The following WASF3 variants were observed in gnomAD, a reference collection of about 807,000 sequenced individuals.
The protein encoded by WASF3 is actin-binding protein WASF3.
WASF3 carries 11 observed loss-of-function variants against 46.6 expected under a neutral mutation model. The ratio of observed to expected loss-of-function variants is 0.24; its 90% CI spans 0.15 to 0.39. The LOEUF (loss-of-function observed/expected upper bound fraction) is 0.39, where lower values mean the gene tolerates loss of function less well. WASF3 is among the 10% of genes least tolerant of loss of function. WASF3 has a pLI of 1.00. For synonymous variants in WASF3, 242 were observed against 259.7 expected (o/e 0.93, Z 0.65); for missense variants, 576 against 669.8 (o/e 0.86, Z 1.55).
At position 26,648,290 on chromosome 13, in the gene WASF3, T is replaced by C. The variant is rs56369953; in HGVS notation, c.133+5887T>C. Among the ~76,000 whole-genome samples the C allele has an allele frequency of 8.9e-3, 1,355 of 152,292 alleles. 10 individuals carry two copies. Among genetic ancestry groups the C allele is most frequent in the Middle Eastern group, 0.017 (5 of 294 alleles). Reference sequence around the variant, plus strand: ...TATTTAATTTTCATGTGTGGAGTAATTGTACAAATGAGAAAGGAAGTCTGT... The same window carrying C: ...TATTTAATTTTCATGTGTGGAGTAACTGTACAAATGAGAAAGGAAGTCTGT... On this transcript the variant is annotated intron_variant, in intron 3 of 9. Transcript: ENST00000335327.
At chr13:26,584,950 A>C (rs1052823102) in intron 1 of WASF3, among the ~76,000 whole-genome samples, 7 of 152,236 alleles carry the variant, frequency 4.6e-5, no homozygotes, top group Non-Finnish European at 1.0e-4. Flanking sequence ...TAAATAGTTA[A>C]GGGAGTGGAA....
At chr13:26,561,322 G>C (rs976737880) in intron 1 of WASF3, among the ~76,000 whole-genome samples, 1 of 152,118 alleles carries the variant, frequency 6.6e-6, no homozygotes, top group Non-Finnish European at 1.5e-5. Flanking sequence ...TTGGTCATTG[G>C]CCGTGTGTGT....
chr13:26,652,527 C>A (rs1225828854), intron 3 of WASF3, among the ~76,000 whole-genome samples: 2 of 152,172 alleles, frequency 1.3e-5, no homozygotes, highest in African/African-American at 4.8e-5. Flanking sequence ...CTTAATTCAT[C>A]TTTGTATACC....
chr13:26,582,880 C>G lies in WASF3; in HGVS notation c.-109+25061C>G, dbSNP rs186479561. On this transcript the variant is annotated intron_variant, in intron 1 of 9. Transcript: ENST00000335327. ...CTGTATGTGTGTTCTGAGACCATAC[C>G]TTGGAAGAGAGGGCAAAAACAATGT... Among the ~76,000 whole-genome samples the G allele has an allele frequency of 2.9e-3, 441 of 152,072 alleles. 4 individuals carry two copies. The highest frequency in any genetic ancestry group is 0.01 in the African/African-American group (428 of 41,488).
intron 2 of WASF3, among the ~76,000 whole-genome samples, chr13:26,617,861 T>G (rs532664717): frequency 6.6e-6 from 1 of 152,106 alleles, no homozygotes; most frequent in South Asian, 2.1e-4. Context: ...CTTGTGATAG[T>G]GAATTCTCAT....
At chr13:26,632,020 T>G (rs1881666490) in intron 2 of WASF3, among the ~76,000 whole-genome samples, 1 of 152,212 alleles carries the variant, frequency 6.6e-6, no homozygotes, top group African/African-American at 2.4e-5. Flanking sequence ...GCACGTTGAT[T>G]TTGTATCCTG....
chr13:26,541,012 G>A, the WASF3 span, among the ~76,000 whole-genome samples: 2 of 152,148 alleles, frequency 1.3e-5, no homozygotes, highest in African/African-American at 4.8e-5. Context: ...TGTCTCTGGG[G>A]TCTGGAATTA....
intron 1 of WASF3, among the ~76,000 whole-genome samples, chr13:26,596,312 T>G (rs7324501): frequency 6.6e-6 from 1 of 150,464 alleles, no homozygotes; most frequent in Non-Finnish European, 1.5e-5. Flanking sequence ...TTTTTTGCTC[T>G]TTTCATAATT....
intron 1 of WASF3, among the ~76,000 whole-genome samples, chr13:26,585,765 C>T (rs1269110775): frequency 2.0e-5 from 3 of 151,918 alleles, no homozygotes; most frequent in South Asian, 2.1e-4. Flanking sequence ...AACCTTTTGA[C>T]TTGTATTGCT....
At chr13:26,611,587 G>A (rs568566194) in intron 1 of WASF3, among the ~76,000 whole-genome samples, 19 of 152,150 alleles carry the variant, frequency 1.2e-4, no homozygotes, top group African/African-American at 4.3e-4. Flanking sequence ...TCATCAAGTC[G>A]AATCAGCTGA....
At chr13:26,561,694 C>T (rs1345933405) in intron 1 of WASF3, among the ~76,000 whole-genome samples, 1 of 152,122 alleles carries the variant, frequency 6.6e-6, no homozygotes, top group African/African-American at 2.4e-5. Context: ...CACATAGTTC[C>T]GTCTCTTCAA....
intron 5 of WASF3, among the ~76,000 whole-genome samples, chr13:26,670,609 C>T (rs1224349898): frequency 6.6e-6 from 1 of 152,160 alleles, no homozygotes; most frequent in East Asian, 1.9e-4. Context: ...AAATGTACCT[C>T]TTATATGTCT....
rs933489549 is a variant in WASF3 at position 26,682,775 on chromosome 13, C to T, written c.1152C>T (p.His384=). Residue 384 remains histidine (H), a synonymous_variant, in exon 9 of 10, where the codon CAC becomes CAT. Transcript: ENST00000335327. This position sits in a 1 kb window ranked among gnomAD's most constrained non-coding sequence, Gnocchi z 4.4. ...GCTCCACGCACGCAGCTCCTCCTCA[C>T]CCACCCTCCACCGGGCTCCTGGTCA... ...SASSTHAAPP[H]PPSTGLLVTA... is the part of the protein sequence containing the mutation. The T allele has an allele frequency of 3.1e-6, 5 of 1,612,346 alleles. No individual in the cohort carries two copies. Among genetic ancestry groups the T allele is most frequent in the Non-Finnish European group, 1.7e-6 (2 of 1,180,010 alleles).
chr13:26,678,954 C>T (rs1883145874), intron 7 of WASF3, among the ~76,000 whole-genome samples: 1 of 152,132 alleles, frequency 6.6e-6, no homozygotes. Context: ...CCTCCCGGCC[C>T]TCCTCCTCCC....
Position 26,681,261 on chromosome 13 carries a change from T to G in WASF3, c.924T>G (p.Pro308=). Residue 308 remains proline (P), a synonymous_variant, in exon 8 of 10, where the codon CCT becomes CCG. Transcript: ENST00000335327. ...LNRPQQPPPP[P]PPQAPEGSQA... ...GACCTCAGCAGCCGCCCCCCCCGCC[T>G]CCCCCTCAGGCCCCAGAGGGGTCCC... is the stretch of plus-strand genomic sequence containing the variant. 1 of 1,520,066 alleles carries G rather than the reference T, an allele frequency of 6.6e-7. No individual in the cohort carries two copies. The highest frequency in any genetic ancestry group is 9.1e-7 in the Non-Finnish European group (1 of 1,101,654). The allele number at this position is 1,520,066 out of a possible 1,614,324, so 94.2% of individuals were successfully genotyped here.
rs1271203496 is a variant in WASF3 at position 26,674,609 on chromosome 13, C to T, written c.541-1940C>T. Reference sequence around the variant, plus strand: ...AGTTGTACTACATATGACTTACATACACACACTGACATTATTAAAAATGTA... The same window carrying T: ...AGTTGTACTACATATGACTTACATATACACACTGACATTATTAAAAATGTA... On this transcript the variant is annotated intron_variant, in intron 6 of 9. Coordinates refer to ENST00000335327, the MANE Select transcript of WASF3 (RefSeq NM_006646.6). 2.0e-5 allele frequency among the ~76,000 whole-genome samples: 3 copies of T among 152,328 alleles called. No homozygotes were observed. In the South Asian group the frequency reaches 6.2e-4, roughly 32 times the overall value.
At chr13:26,595,451 A>G (rs930162057) in intron 1 of WASF3, among the ~76,000 whole-genome samples, 1 of 152,250 alleles carries the variant, frequency 6.6e-6, no homozygotes, top group Non-Finnish European at 1.5e-5. Context: ...CTTGTAGTAC[A>G]ATACCAAAAC....
At chr13:26,548,727 T>C in the WASF3 span, among the ~76,000 whole-genome samples, 1 of 152,150 alleles carries the variant, frequency 6.6e-6, no homozygotes, top group African/African-American at 2.4e-5. Context: ...TTCCAGCTTC[T>C]CTGCAACTTT....
chr13:26,590,912 G>A (rs549533734), intron 1 of WASF3, among the ~76,000 whole-genome samples: 3 of 152,272 alleles, frequency 2.0e-5, no homozygotes, highest in African/African-American at 7.2e-5. Flanking sequence ...TGGTAATGGA[G>A]AGAACTAAAT....
Sources: gnomAD v4.1 joint callset for allele counts (sites outside exome capture counted in the v4.1 genomes callset) on GRCh38, gnomAD v4.1.1 for gene constraint, Gnocchi (gnomAD v3.1) non-coding constraint, MANE v1.5 for transcripts, NCBI Gene and HGNC (gene_info 2026-07-23, HGNC 2026-07-21) for gene names.